The following DPF3 variants were observed in gnomAD, a reference collection of about 807,000 sequenced individuals.
DPF3 encodes zinc finger protein DPF3.
A neutral mutation model predicts 56.8 loss-of-function variants in DPF3; 18 were observed. That is an observed-to-expected ratio of 0.32 (90% CI 0.22 to 0.47). DPF3 has a LOEUF of 0.47. DPF3 is among the 20% of genes least tolerant of loss of function. The probability of loss-of-function intolerance (pLI) is 1.00; values close to 1 mark genes in which losing one functional copy is unlikely to be tolerated. For synonymous variants in DPF3, 188 were observed against 180.2 expected (o/e 1.04, Z -0.35); for missense variants, 403 against 488.8 (o/e 0.82, Z 1.65).
chr14:72,672,361 A>T (rs765135323), intron 8 of DPF3, among the ~76,000 whole-genome samples: 5 of 152,228 alleles, frequency 3.3e-5, no homozygotes, highest in Middle Eastern at 6.8e-3. Context: ...GAGGGGAAGG[A>T]AGCTCTTCCA....
At chr14:72,803,372 C>T (rs564091229) in intron 1 of DPF3, among the ~76,000 whole-genome samples, 2 of 152,302 alleles carry the variant, frequency 1.3e-5, no homozygotes, top group East Asian at 3.9e-4. Context: ...CTAAGCGTGA[C>T]TATCAGCCCC....
intron 5 of DPF3, among the ~76,000 whole-genome samples, chr14:72,716,575 C>T (rs1303777907): frequency 6.6e-6 from 1 of 152,106 alleles, no homozygotes; most frequent in East Asian, 1.9e-4. Context: ...TTAGATTATA[C>T]CTGTGTTGGT....
chr14:72,749,630 G>A (rs898469843), intron 3 of DPF3, among the ~76,000 whole-genome samples: 2 of 152,326 alleles, frequency 1.3e-5, no homozygotes, highest in East Asian at 1.9e-4. Flanking sequence ...TAATTCCCAC[G>A]TTGTGGGAAG....
intron 8 of DPF3, chr14:72,670,535 G>T: frequency 1.1e-6 from 1 of 950,136 alleles, no homozygotes; most frequent in South Asian, 5.1e-5. Context: ...CGCAAACTCC[G>T]TGGGGCACAG....
intron 3 of DPF3, among the ~76,000 whole-genome samples, chr14:72,746,090 G>A (rs60799959): frequency 0.034 from 5,192 of 152,270 alleles, 232 homozygotes; most frequent in African/African-American, 0.11. Flanking sequence ...TTTTGTAAAC[G>A]TCCACCCCCC....
chr14:72,822,856 C>T (rs1398537078), intron 1 of DPF3, among the ~76,000 whole-genome samples: 5 of 152,100 alleles, frequency 3.3e-5, no homozygotes, highest in African/African-American at 1.2e-4. Context: ...TCCTAACCCC[C>T]CTACAGGTTG....
In DPF3 at chr14:72,693,060, A is replaced by G. The variant is rs1329725800; in HGVS notation, c.742+16T>C. 6.2e-7 allele frequency: 1 copy of G among 1,613,664 alleles called. No homozygotes were observed. Among genetic ancestry groups the G allele is most frequent in the Non-Finnish European group, 8.5e-7 (1 of 1,179,806 alleles). Reference sequence around the variant, plus strand: ...CCCACTTCTTCACTGCCCCAACCTAACAAGTAGGCACTCACGCCTGTGGTT... The same window carrying G: ...CCCACTTCTTCACTGCCCCAACCTAGCAAGTAGGCACTCACGCCTGTGGTT... On this transcript the variant is annotated intron_variant, in intron 7 of 10. Transcript: ENST00000556509.
rs949312831 is a variant in DPF3, at chr14:72,880,004, A to C, written c.32+14053T>G. 1.5e-5 allele frequency: 21 copies of C among 1,426,076 alleles called. No homozygotes were observed. In the Admixed American group the frequency reaches 2.2e-4, roughly 15 times the overall value. The allele number at this position is 1,426,076 out of a possible 1,614,324, so 88.3% of individuals were successfully genotyped here. On this transcript the variant is annotated intron_variant, in intron 1 of 10. Coordinates refer to ENST00000556509, the MANE Select transcript of DPF3 (RefSeq NM_001280542.3). Reference sequence around the variant, plus strand: ...CACCCATCAAGACTGAGTAGCCTGCACACTAGACTGTGGTATAGAATCCAG... The same window carrying C: ...CACCCATCAAGACTGAGTAGCCTGCCCACTAGACTGTGGTATAGAATCCAG...
chr14:72,692,657 T>C (rs1402434046), intron 7 of DPF3, among the ~76,000 whole-genome samples: 1 of 152,168 alleles, frequency 6.6e-6, no homozygotes, highest in Admixed American at 6.5e-5. Context: ...ATAAGAATAT[T>C]CTAAGGCACT....
chr14:72,893,875 C>T (rs1886877801), intron 1 of DPF3, among the ~76,000 whole-genome samples, 182 bp downstream of exon 1: 1 of 152,254 alleles, frequency 6.6e-6, no homozygotes, highest in African/African-American at 2.4e-5. Context: ...CATCTCCTGA[C>T]ATTTCTGCGC....
At chr14:72,801,509 T>C (rs1031143599) in intron 1 of DPF3, among the ~76,000 whole-genome samples, 7 of 152,218 alleles carry the variant, frequency 4.6e-5, no homozygotes, top group African/African-American at 1.4e-4. Context: ...ATGGTTTATA[T>C]GCTCACAGTT....
chr14:72,788,446 G>A (rs1892300432), intron 1 of DPF3, among the ~76,000 whole-genome samples: 1 of 152,158 alleles, frequency 6.6e-6, no homozygotes, highest in Non-Finnish European at 1.5e-5. Context: ...GGGGGCCGCA[G>A]AGTCACTGTG....
At chr14:72,660,750 G>C (rs759520047) in intron 8 of DPF3, among the ~76,000 whole-genome samples, 9 of 152,194 alleles carry the variant, frequency 5.9e-5, no homozygotes, top group Non-Finnish European at 1.3e-4. Context: ...GCCATGGAGA[G>C]GGTGATGATG....
intron 7 of DPF3, 39 bp from the exon 8 acceptor site, chr14:72,674,407 A>C: frequency 6.3e-7 from 1 of 1,598,566 alleles, no homozygotes; most frequent in Non-Finnish European, 8.5e-7. Flanking sequence ...TCAGGCTTAC[A>C]TGAGTTTCAA....
chr14:72,624,458 C>T (rs1478615132), intron 9 of DPF3, among the ~76,000 whole-genome samples: 2 of 151,450 alleles, frequency 1.3e-5, no homozygotes, highest in South Asian at 4.2e-4. Flanking sequence ...CCTGCCTCAG[C>T]GTCCTGAGTA....
intron 1 of DPF3, among the ~76,000 whole-genome samples, chr14:72,779,268 A>G (rs1015988379): frequency 2.0e-5 from 3 of 152,210 alleles, no homozygotes; most frequent in African/African-American, 7.2e-5. Context: ...CAGCTTCAGA[A>G]AAACATTGAG....
At chr14:72,787,818 G>A (rs995858324) in intron 1 of DPF3, among the ~76,000 whole-genome samples, 1 of 152,220 alleles carries the variant, frequency 6.6e-6, no homozygotes, top group African/African-American at 2.4e-5. Context: ...GTGGGGTGCA[G>A]GTCCGGGGCC....
At chr14:72,879,262 T>G (rs970590835) in intron 1 of DPF3, among the ~76,000 whole-genome samples, 11 of 152,030 alleles carry the variant, frequency 7.2e-5, no homozygotes, top group Non-Finnish European at 1.3e-4. Flanking sequence ...GTGCACCTAT[T>G]GTCCCAGCTA....
At chr14:72,628,046 T>C (rs2153566756) in intron 9 of DPF3, among the ~76,000 whole-genome samples, 1 of 152,228 alleles carries the variant, frequency 6.6e-6, no homozygotes, top group South Asian at 2.1e-4. Flanking sequence ...TATACTATCA[T>C]ATAATACAAA....
Sources: allele counts gnomAD v4.1 joint callset (sites outside exome capture counted in the v4.1 genomes callset), GRCh38; gene constraint gnomAD v4.1.1; transcripts MANE v1.5; gene names NCBI Gene and HGNC (gene_info 2026-07-23, HGNC 2026-07-21).